CCDC7: variants seen among roughly 807,000 people sequenced by gnomAD.
CCDC7 encodes coiled-coil domain-containing protein 7.
Under a neutral mutation model 196.9 loss-of-function variants are expected in CCDC7, and 183 were observed. The ratio of observed to expected loss-of-function variants is 0.93; its 90% CI spans 0.82 to 1.05. The LOEUF is 1.05. Ranked by LOEUF, CCDC7 falls within the 50% of genes least tolerant of loss-of-function variation. The pLI is 0.00. For synonymous variants in CCDC7, 525 were observed against 484.6 expected (o/e 1.08, Z -1.10); for missense variants, 1,540 against 1,482.2 (o/e 1.04, Z -0.64).
At chr10:32,790,038 C>A (rs2082449980) in intron 29 of CCDC7, among the ~76,000 whole-genome samples, 1 of 152,188 alleles carries the variant, frequency 6.6e-6, no homozygotes, top group Non-Finnish European at 1.5e-5. Context: ...TCTCAGGCAG[C>A]CCCATCTCTA....
intron 18 of CCDC7, among the ~76,000 whole-genome samples, chr10:32,595,155 T>C (rs1408646544): frequency 6.6e-6 from 1 of 152,206 alleles, no homozygotes; most frequent in Admixed American, 6.5e-5. Flanking sequence ...TCTGGCAGAA[T>C]TTGGCTGTGA....
intron 28 of CCDC7, among the ~76,000 whole-genome samples, chr10:32,736,875 A>G (rs1816322228): frequency 6.6e-6 from 1 of 152,128 alleles, no homozygotes; most frequent in South Asian, 2.1e-4. Context: ...TTACTGCATT[A>G]GTTAGGACTT....
intron 22 of CCDC7, among the ~76,000 whole-genome samples, chr10:32,686,660 C>G (rs771598966): frequency 2.0e-5 from 3 of 152,166 alleles, no homozygotes; most frequent in Non-Finnish European, 2.9e-5. Context: ...TGCTTGGCCT[C>G]TTGTGTATTT....
chr10:32,599,210 T>C (rs576880479), intron 18 of CCDC7, among the ~76,000 whole-genome samples: 1 of 152,328 alleles, frequency 6.6e-6, no homozygotes, highest in African/African-American at 2.4e-5. Flanking sequence ...TTTTGTTTGA[T>C]ATTAGTGTAG....
chr10:32,630,372 A>G (rs2064689208), intron 18 of CCDC7, among the ~76,000 whole-genome samples: 1 of 152,152 alleles, frequency 6.6e-6, no homozygotes, highest in Non-Finnish European at 1.5e-5. Context: ...GTATATATAT[A>G]TGAAACAAGC....
chr10:32,859,034 C>T (rs139043489), intron 41 of CCDC7, among the ~76,000 whole-genome samples: 119 of 152,202 alleles, frequency 7.8e-4, no homozygotes, highest in Non-Finnish European at 1.2e-3. Flanking sequence ...ACAAGGATAT[C>T]CAGGACTTGA....
chr10:32,552,774 C>T (rs539048244), intron 13 of CCDC7, among the ~76,000 whole-genome samples: 2 of 152,314 alleles, frequency 1.3e-5, no homozygotes, highest in South Asian at 4.1e-4. Flanking sequence ...TGTAGAGTTT[C>T]TGCTGAGAAA....
At chr10:32,871,541 C>CA (rs2094431461) in intron 41 of CCDC7, among the ~76,000 whole-genome samples, 1 of 150,618 alleles carries the variant, frequency 6.6e-6, no homozygotes, top group Non-Finnish European at 1.5e-5. Context: ...TTGATCATTT[C>CA]AAAAAACCAG....
At chr10:32,709,141 A>G (rs956079051) in intron 24 of CCDC7, among the ~76,000 whole-genome samples, 9 of 152,150 alleles carry the variant, frequency 5.9e-5, no homozygotes, top group Admixed American at 2.0e-4. Flanking sequence ...CTATGCAGCC[A>G]TAAAAAAGGA....
chr10:32,584,303 A>G (rs747072249), exon 18 of CCDC7: 15 of 1,585,728 alleles, frequency 9.5e-6, no homozygotes, highest in African/African-American at 1.3e-5. Flanking sequence ...AAAAATCTCA[A>G]GGTAAAAAGA....
chr10:32,565,685 C>G (rs2056670263), intron 14 of CCDC7, 65 bp downstream of exon 15: 1 of 1,529,378 alleles, frequency 6.5e-7, no homozygotes, highest in South Asian at 1.3e-5. Context: ...AAGAACTTTT[C>G]AAATGAATAA....
At position 32,544,446 on chromosome 10, in the gene CCDC7, A is replaced by G. The variant is rs2052076913; in HGVS notation, c.1134+145A>G. 5 of 686,724 alleles carry G rather than the reference A, an allele frequency of 7.3e-6. No homozygotes were observed. In the East Asian group the frequency reaches 1.6e-4, roughly 23 times the overall value. 42.5% of individuals were successfully genotyped at this position (686,724 alleles called of 1,614,324 possible). ...TGTCTCTGTGTGTGTGTGTACTAAA[A>G]TTCTTCCTGAGATAATGTCTTTCTT... On this transcript the variant is annotated intron_variant, in intron 13 of 41. Transcript: ENST00000639629.
intron 8 of CCDC7, among the ~76,000 whole-genome samples, chr10:32,480,102 G>C (rs2039698191): frequency 6.6e-6 from 1 of 151,552 alleles, no homozygotes; most frequent in Non-Finnish European, 1.5e-5. Flanking sequence ...TCTTAGTCCA[G>C]CTAAAGTCTT....
chr10:32,811,474 G>A (rs1396598113), intron 30 of CCDC7, among the ~76,000 whole-genome samples: 1 of 151,942 alleles, frequency 6.6e-6, no homozygotes, highest in Non-Finnish European at 1.5e-5. Context: ...TGGTTAATGG[G>A]TACTACAAAC....
chr10:32,599,591 A>T (rs1817686940), intron 18 of CCDC7, among the ~76,000 whole-genome samples: 1 of 151,096 alleles, frequency 6.6e-6, no homozygotes, highest in South Asian at 2.1e-4. Flanking sequence ...ATGTTTTTAG[A>T]TTTTTTGTGG....
chr10:32,554,224 C>T (rs142824746), intron 13 of CCDC7, among the ~76,000 whole-genome samples: 3 of 152,314 alleles, frequency 2.0e-5, no homozygotes, highest in African/African-American at 7.2e-5. Context: ...GGCTTGAAAA[C>T]TTGCTCCAAG....
intron 29 of CCDC7, among the ~76,000 whole-genome samples, chr10:32,804,014 A>G (rs2085325114): frequency 6.6e-6 from 1 of 152,138 alleles, no homozygotes; most frequent in African/African-American, 2.4e-5. Context: ...CCCACTAATA[A>G]CTTTCAGATA....
intron 20 of CCDC7, among the ~76,000 whole-genome samples, chr10:32,662,535 A>G (rs188998546): frequency 6.7e-6 from 1 of 150,152 alleles, no homozygotes; most frequent in East Asian, 1.9e-4. Flanking sequence ...CATGACTATT[A>G]AATGATGATA....
At chr10:32,716,785 T>C (rs1818161664) in intron 25 of CCDC7, among the ~76,000 whole-genome samples, 1 of 151,698 alleles carries the variant, frequency 6.6e-6, no homozygotes, top group Non-Finnish European at 1.5e-5. Context: ...CAAACAAAGA[T>C]CAAAAAAGAC....
Sources: gnomAD v4.1 joint callset for allele counts (sites outside exome capture counted in the v4.1 genomes callset) on GRCh38, gnomAD v4.1.1 for gene constraint, MANE v1.5 for transcripts, NCBI Gene and HGNC (gene_info 2026-07-23, HGNC 2026-07-21) for gene names.